The following GSE1 variants were observed in gnomAD, a reference collection of about 807,000 sequenced individuals.
The protein encoded by GSE1 is genetic suppressor element 1.
Under a neutral mutation model 112.6 loss-of-function variants are expected in GSE1, and 32 were observed. That is an observed-to-expected ratio of 0.28 (90% CI 0.21 to 0.38). The LOEUF (loss-of-function observed/expected upper bound fraction) is 0.38, where lower values mean the gene tolerates loss of function less well. GSE1 is among the 10% of genes least tolerant of loss of function. The probability of loss-of-function intolerance (pLI) is 1.00; values close to 1 mark genes in which losing one functional copy is unlikely to be tolerated. For missense variants in GSE1, 2,348 were observed against 1,699.2 expected (o/e 1.38, Z -6.71); for synonymous variants, 1,115 against 735.6 (o/e 1.52, Z -8.35).
intron 1 of GSE1, among the ~76,000 whole-genome samples, chr16:85,220,511 G>C (rs976541045): frequency 6.6e-6 from 1 of 152,254 alleles, no homozygotes; most frequent in African/African-American, 2.4e-5. Context: ...GCGGCCAGGA[G>C]CCTGGGGCAG....
upstream of GSE1, among the ~76,000 whole-genome samples, chr16:85,607,565 C>G (rs1172076341): frequency 6.6e-6 from 1 of 152,218 alleles, no homozygotes; most frequent in Admixed American, 6.5e-5. Flanking sequence ...AAGAGGAAAA[C>G]TCCTCAAAGG....
At chr16:85,269,803 C>T (rs1375430523) in intron 1 of GSE1, among the ~76,000 whole-genome samples, 3 of 149,164 alleles carry the variant, frequency 2.0e-5, no homozygotes, top group Admixed American at 6.7e-5. Flanking sequence ...TGGGGCAGCA[C>T]CAGGCCCTGT....
chr16:85,188,417 A>G (rs1225897510), intron 1 of GSE1, among the ~76,000 whole-genome samples: 3 of 152,092 alleles, frequency 2.0e-5, no homozygotes, highest in South Asian at 2.1e-4. Flanking sequence ...CTCCGTTCTC[A>G]CTGTTCTGGA....
intron 1 of GSE1, among the ~76,000 whole-genome samples, chr16:85,331,385 A>ATATATATATG (rs1270095336): frequency 5.2e-5 from 7 of 135,860 alleles, no homozygotes; most frequent in Non-Finnish European, 9.5e-5. Context: ...ATATATATGT[A>ATATATATATG]TATATATGTG....
intron 1 of GSE1, among the ~76,000 whole-genome samples, chr16:85,632,145 C>G (rs774436891): frequency 6.6e-6 from 1 of 152,162 alleles, no homozygotes; most frequent in South Asian, 2.1e-4. Flanking sequence ...GGTGCAGGTC[C>G]CCCTCCACCC....
chr16:85,639,263 G>GCACCTT (rs2050248706), intron 2 of GSE1, among the ~76,000 whole-genome samples: 1 of 152,234 alleles, frequency 6.6e-6, no homozygotes, highest in East Asian at 1.9e-4. Context: ...CTCCTCGGGT[G>GCACCTT]GCACCGGGTC....
intron 1 of GSE1, among the ~76,000 whole-genome samples, chr16:85,216,839 T>C (rs2075313648): frequency 3.3e-5 from 5 of 152,248 alleles, no homozygotes; most frequent in Admixed American, 3.3e-4. Context: ...AACCCACTCC[T>C]GTCTCTTGCC....
intron 2 of GSE1, among the ~76,000 whole-genome samples, chr16:85,639,687 G>A (rs1345375837): frequency 6.6e-6 from 1 of 152,258 alleles, no homozygotes; most frequent in Non-Finnish European, 1.5e-5. Context: ...AGCCAGGCTG[G>A]GGTGTGACAG....
At chr16:85,504,673 G>T (rs2051479054) in intron 2 of GSE1, among the ~76,000 whole-genome samples, 5 of 152,188 alleles carry the variant, frequency 3.3e-5, no homozygotes. Context: ...AATGGCAAGT[G>T]AGCCAATTTA....
rs78797253 is a variant in GSE1 at position 85,200,080 on chromosome 16, C to G, written c.2283+28273C>G. On this transcript the variant is annotated intron_variant, in intron 1 of 2. Coordinates refer to the GSE1 transcript ENST00000637419. The stretch of plus-strand genomic sequence containing the variant: ...GCCTTCGTCTCCTCTGTTATCCCAC[C>G]CTCTGCGGGCTGAAGATAATTCTGC... Among the ~76,000 whole-genome samples the G allele has an allele frequency of 4.7e-3, 721 of 152,264 alleles. 3 individuals are homozygous for G. Among genetic ancestry groups the G allele is most frequent in the African/African-American group, 0.016 (681 of 41,544 alleles).
intron 1 of GSE1, among the ~76,000 whole-genome samples, chr16:85,615,528 C>T (rs903577115): frequency 1.3e-5 from 2 of 152,092 alleles, no homozygotes; most frequent in African/African-American, 4.8e-5. Flanking sequence ...TTCCTGGAGC[C>T]TTGGGGGCGG....
chr16:85,485,811 C>T (rs1020150339), intron 2 of GSE1, among the ~76,000 whole-genome samples: 6 of 152,190 alleles, frequency 3.9e-5, no homozygotes, highest in African/African-American at 1.2e-4. Context: ...AGCAGCCCTC[C>T]CCCTGCAGCC....
intron 1 of GSE1, among the ~76,000 whole-genome samples, chr16:85,338,504 C>T (rs2046553610): frequency 1.3e-5 from 2 of 152,340 alleles, no homozygotes; most frequent in South Asian, 4.1e-4. Flanking sequence ...GCACCTATGT[C>T]ATAGGCATGT....
At chr16:85,275,991 C>T (rs1259913129) in intron 1 of GSE1, among the ~76,000 whole-genome samples, 2 of 152,220 alleles carry the variant, frequency 1.3e-5, no homozygotes, top group Non-Finnish European at 2.9e-5. Context: ...TCAGGGTCCC[C>T]CTCCCAGCGA....
chr16:85,398,900 G>A (rs557749870), intron 2 of GSE1, among the ~76,000 whole-genome samples: 4 of 152,286 alleles, frequency 2.6e-5, no homozygotes, highest in South Asian at 2.1e-4. Flanking sequence ...GTATGTTTGT[G>A]TAGACATGTA....
chr16:85,666,873 T>G (rs1423223991), intron 13 of GSE1, among the ~76,000 whole-genome samples: 1 of 152,210 alleles, frequency 6.6e-6, no homozygotes, highest in Admixed American at 6.5e-5. Context: ...TTAGAAATAT[T>G]TGTGGGTGGG....
At chr16:85,595,485 A>T (rs1045583914) in intron 1 of GSE1, 4 of 152,218 alleles carry the variant, frequency 2.6e-5, no homozygotes, top group African/African-American at 9.7e-5. Context: ...GCTGGCTCAG[A>T]GTCCTCATGG....
intron 1 of GSE1, among the ~76,000 whole-genome samples, chr16:85,186,517 T>C (rs911460725): frequency 6.6e-6 from 1 of 151,518 alleles, no homozygotes; most frequent in African/African-American, 2.4e-5. Flanking sequence ...GCAGGAGAAT[T>C]GCTTGAACCT....
intron 1 of GSE1, among the ~76,000 whole-genome samples, chr16:85,291,917 G>T (rs1173205210): frequency 2.0e-5 from 3 of 152,170 alleles, no homozygotes; most frequent in Non-Finnish European, 2.9e-5. Context: ...GGTTGACCGG[G>T]TCAGGCTATG....
Sources: allele counts gnomAD v4.1 joint callset (sites outside exome capture counted in the v4.1 genomes callset), GRCh38; gene constraint gnomAD v4.1.1; transcripts MANE v1.5; gene names NCBI Gene and HGNC (gene_info 2026-07-23, HGNC 2026-07-21).